Variants in MBD5 observed in about 807,000 individuals in gnomAD.
The protein encoded by MBD5 is methyl-CpG-binding domain protein 5.
Under a neutral mutation model 117.3 loss-of-function variants are expected in MBD5, and 13 were observed. The observed-to-expected ratio is 0.11, with a 90% CI of 0.07 to 0.18. MBD5 has a LOEUF of 0.18. Ranked by LOEUF, MBD5 falls within the 10% of genes least tolerant of loss-of-function variation. The pLI is 1.00. For missense variants in MBD5, 1,879 were observed against 2,093.8 expected (o/e 0.90, Z 2.00); for synonymous variants, 727 against 766.4 (o/e 0.95, Z 0.85).
chr2:148,198,124 C>CAATACAGATT (rs1395381163), intron 2 of MBD5, among the ~76,000 whole-genome samples: 2 of 152,112 alleles, frequency 1.3e-5, no homozygotes, highest in African/African-American at 4.8e-5. Context: ...ATGCCATAAT[C>CAATACAGATT]AATACAGATT....
chr2:148,284,120 A>T (rs549554991), intron 3 of MBD5, among the ~76,000 whole-genome samples: 3 of 152,250 alleles, frequency 2.0e-5, no homozygotes, highest in Non-Finnish European at 2.9e-5. Context: ...TTTTTTACTG[A>T]ACAATTTATA....
chr2:148,453,976 T>A (rs1706807323), intron 4 of MBD5, among the ~76,000 whole-genome samples: 1 of 152,194 alleles, frequency 6.6e-6, no homozygotes, highest in Non-Finnish European at 1.5e-5. Flanking sequence ...TTTAAATGAG[T>A]TATCAAGATG....
intron 1 of MBD5, among the ~76,000 whole-genome samples, chr2:148,081,095 A>G (rs1208115750): frequency 6.6e-6 from 1 of 152,208 alleles, no homozygotes; most frequent in African/African-American, 2.4e-5. Context: ...ATATTTCAGC[A>G]TAAGAACCAG....
chr2:148,317,780 G>T (rs1379826007), intron 3 of MBD5, among the ~76,000 whole-genome samples: 4 of 152,162 alleles, frequency 2.6e-5, no homozygotes, highest in African/African-American at 9.7e-5. Context: ...TGCTGCAAAA[G>T]ACATGATTTC....
chr2:148,424,461 A>G (rs561927413), intron 4 of MBD5, among the ~76,000 whole-genome samples: 5 of 151,992 alleles, frequency 3.3e-5, no homozygotes, highest in African/African-American at 1.2e-4. Flanking sequence ...CACTGTCAGC[A>G]CTAGACAGAC....
intron 2 of MBD5, among the ~76,000 whole-genome samples, chr2:148,229,202 C>A (rs1442117322): frequency 6.8e-6 from 1 of 146,574 alleles, no homozygotes; most frequent in East Asian, 2.0e-4. Context: ...TTTGTCTTTT[C>A]TGTGTATTTT....
chr2:148,474,916 A>G (rs959729004), intron 8 of MBD5, among the ~76,000 whole-genome samples: 8 of 152,160 alleles, frequency 5.3e-5, no homozygotes, highest in African/African-American at 1.4e-4. Flanking sequence ...CTTGGAACAT[A>G]GCAGTAAAGA....
intron 4 of MBD5, among the ~76,000 whole-genome samples, chr2:148,356,927 C>T (rs901458910): frequency 1.3e-4 from 19 of 151,786 alleles, no homozygotes; most frequent in South Asian, 8.3e-4. Context: ...TGTGATGAAG[C>T]GTATCCCTTA....
intron 1 of MBD5, among the ~76,000 whole-genome samples, chr2:148,176,800 T>G (rs530696632): frequency 6.6e-6 from 1 of 152,112 alleles, no homozygotes; most frequent in East Asian, 1.9e-4. Context: ...TTCATAAAAT[T>G]TTTGACTTTG....
chr2:148,287,299 A>G (rs1024587886), intron 3 of MBD5, among the ~76,000 whole-genome samples: 2 of 152,348 alleles, frequency 1.3e-5, no homozygotes, highest in East Asian at 3.9e-4. Flanking sequence ...ATAGGCATAG[A>G]TAGCATCCCA....
intron 3 of MBD5, among the ~76,000 whole-genome samples, chr2:148,310,219 G>A (rs775110701): frequency 6.6e-6 from 1 of 152,152 alleles, no homozygotes; most frequent in Non-Finnish European, 1.5e-5. Context: ...CAGAAGGAAT[G>A]GTACCAGCTC....
intron 4 of MBD5, among the ~76,000 whole-genome samples, chr2:148,383,221 A>G (rs1486625764): frequency 1.4e-5 from 2 of 146,616 alleles, no homozygotes; most frequent in African/African-American, 4.9e-5. Flanking sequence ...AGACTAATAA[A>G]GAAGAAGAGA....
intron 1 of MBD5, among the ~76,000 whole-genome samples, chr2:148,102,241 G>A (rs1003648675): frequency 2.0e-5 from 3 of 152,038 alleles, no homozygotes; most frequent in African/African-American, 7.2e-5. Flanking sequence ...ACCTGAAAAC[G>A]GCTTTCCAAT....
chr2:148,432,152 G>T (rs1305603411), intron 4 of MBD5, among the ~76,000 whole-genome samples: 1 of 152,004 alleles, frequency 6.6e-6, no homozygotes, highest in Non-Finnish European at 1.5e-5. Flanking sequence ...TCATGTGCTT[G>T]TTGGCTGCAT....
intron 1 of MBD5, among the ~76,000 whole-genome samples, chr2:148,059,415 G>A (rs537260812): frequency 1.0e-3 from 155 of 152,218 alleles, no homozygotes; most frequent in East Asian, 9.1e-3. Flanking sequence ...TGTTAAGTTT[G>A]CATACAGTAA....
chr2:148,119,508 T>A (rs1332036231), intron 1 of MBD5, among the ~76,000 whole-genome samples: 1 of 152,206 alleles, frequency 6.6e-6, no homozygotes, highest in Non-Finnish European at 1.5e-5. Flanking sequence ...CTAGTTTTGA[T>A]GAAGTCAAAT....
In MBD5 at chr2:148,468,757, C is replaced by T; in HGVS notation, c.814C>T (p.Pro272Ser). ...TAGTCCTATTCACCTGAATAGGACT[C>T]CTCTTTCTCCACCTTCAGTAATGCT... is the stretch of plus-strand genomic sequence containing the variant. Reference protein sequence around the residue: ...NSSPIHLNRTPLSPPSVMLHG... With the variant: ...NSSPIHLNRTSLSPPSVMLHG... Residue 272 changes from proline to serine, a missense_variant, in exon 8 of 14, where the codon CCT becomes TCT. By Grantham distance (74) the Pro-to-Ser change is moderately conservative (BLOSUM62 -1). Coordinates refer to ENST00000642680, the MANE Select transcript of MBD5 (RefSeq NM_001378120.1). 3 of 1,613,934 alleles carry T rather than the reference C, an allele frequency of 1.9e-6. No individual in the cohort carries two copies. The highest frequency in any genetic ancestry group is 1.3e-5 in the African/African-American group (1 of 74,994).
At chr2:148,100,181 A>T (rs1696170126) in intron 1 of MBD5, among the ~76,000 whole-genome samples, 1 of 152,128 alleles carries the variant, frequency 6.6e-6, no homozygotes, top group African/African-American at 2.4e-5. Flanking sequence ...GTGTTGGGTC[A>T]CTGGGGAGGA....
intron 1 of MBD5, among the ~76,000 whole-genome samples, chr2:148,121,069 C>A (rs1696757751): frequency 6.6e-6 from 1 of 152,134 alleles, no homozygotes; most frequent in African/African-American, 2.4e-5. Context: ...GCCAAAATAT[C>A]TTTCACCTTT....
Sources: gnomAD v4.1 joint callset for allele counts (sites outside exome capture counted in the v4.1 genomes callset) on GRCh38, gnomAD v4.1.1 for gene constraint, MANE v1.5 for transcripts, NCBI Gene and HGNC (gene_info 2026-07-23, HGNC 2026-07-21) for gene names.